TRIM37: variants seen among roughly 807,000 people sequenced by gnomAD.
TRIM37 encodes E3 ubiquitin-protein ligase TRIM37.
In TRIM37, 80 loss-of-function variants were observed where a neutral mutation model predicts 129.8. The observed-to-expected ratio is 0.62, with a 90% CI of 0.51 to 0.74. The LOEUF (loss-of-function observed/expected upper bound fraction) is 0.74. TRIM37 is among the 30% of genes least tolerant of loss of function. The pLI is 0.00. For missense variants in TRIM37, 1,054 were observed against 1,176.5 expected (o/e 0.90, Z 1.52); for synonymous variants, 389 against 387.1 (o/e 1.00, Z -0.06).
chr17:58,967,416 G>A, the TRIM37 span, among the ~76,000 whole-genome samples: 1 of 151,808 alleles, frequency 6.6e-6, no homozygotes, highest in Non-Finnish European at 1.5e-5. Context: ...ATCTTAGTGC[G>A]ATGAGGAAAT....
intron 17 of TRIM37, among the ~76,000 whole-genome samples, chr17:59,039,350 C>T (rs1198002310): frequency 6.9e-6 from 1 of 144,510 alleles, no homozygotes; most frequent in Non-Finnish European, 1.5e-5. Context: ...GATGGCCAGT[C>T]TTTTTTTTTT....
intron 9 of TRIM37, among the ~76,000 whole-genome samples, chr17:59,066,307 A>G (rs2041916629): frequency 6.6e-6 from 1 of 152,210 alleles, no homozygotes; most frequent in Non-Finnish European, 1.5e-5. Flanking sequence ...CTCATCAAGT[A>G]CAGAATATCC....
At chr17:59,033,667 G>A (rs1726107840) in intron 17 of TRIM37, among the ~76,000 whole-genome samples, 1 of 152,044 alleles carries the variant, frequency 6.6e-6, no homozygotes. Context: ...GCCCGCCTCA[G>A]CCTCCCAAAG....
chr17:58,977,801 G>A (rs1238563462), downstream of TRIM37, among the ~76,000 whole-genome samples: 1 of 152,146 alleles, frequency 6.6e-6, no homozygotes, highest in African/African-American at 2.4e-5. Flanking sequence ...GGAGTGCAGT[G>A]GCGCAATCTG....
downstream of TRIM37, among the ~76,000 whole-genome samples, chr17:58,993,211 A>C (rs555083078): frequency 1.5e-4 from 23 of 152,302 alleles, 1 homozygote; most frequent in Non-Finnish European, 5.9e-5. Flanking sequence ...AGGCCTCCCC[A>C]GCCACGTGGA....
chr17:59,012,383 T>G lies in TRIM37; in HGVS notation c.2640A>C (p.Glu880Asp), dbSNP rs754978571. 6.2e-7 allele frequency: 1 copy of G among 1,613,154 alleles called. No homozygotes were observed. Among genetic ancestry groups the G allele is most frequent in the South Asian group, 1.1e-5 (1 of 91,070 alleles). The change falls in exon 22 of 24, where the codon GAA becomes GAC. Residue 880 changes from glutamate (E) to aspartate (D), a missense_variant. Glu to Asp is a conservative substitution (Grantham distance 45). Coordinates refer to ENST00000262294, the MANE Select transcript of TRIM37 (RefSeq NM_015294.6). ...GTAGTACAGGCTGTAACTCTCCAGT[T>G]TCAGAATTATTTTCCAAATCAGTCA... ...LQMTDLENNS[E>D]TGELQPVLPE...
chr17:58,987,502 TAGAA>T (rs1347109597), intron 24 of TRIM37, among the ~76,000 whole-genome samples: 3 of 152,190 alleles, frequency 2.0e-5, no homozygotes, highest in Admixed American at 1.3e-4. Flanking sequence ...AAAAGGATTT[TAGAA>T]AGAGAGCAGC....
chr17:59,094,808 A>G (rs747183776), intron 2 of TRIM37, among the ~76,000 whole-genome samples: 1 of 152,226 alleles, frequency 6.6e-6, no homozygotes, highest in Admixed American at 6.5e-5. Context: ...TAGAGACGAT[A>G]TATTTCAGAT....
chr17:59,006,877 A>G (rs1247353880), intron 22 of TRIM37, among the ~76,000 whole-genome samples: 1 of 151,980 alleles, frequency 6.6e-6, no homozygotes, highest in Non-Finnish European at 1.5e-5. Flanking sequence ...CGACAGAGCA[A>G]CACTCTGTCT....
At chr17:59,093,270 T>A (rs1326771258) in intron 2 of TRIM37, among the ~76,000 whole-genome samples, 1 of 152,142 alleles carries the variant, frequency 6.6e-6, no homozygotes, top group African/African-American at 2.4e-5. Flanking sequence ...TCAGGTTTCT[T>A]CCCCTGAAAC....
intron 6 of TRIM37, among the ~76,000 whole-genome samples, chr17:59,080,404 T>C (rs2043156391): frequency 6.6e-6 from 1 of 152,204 alleles, no homozygotes; most frequent in East Asian, 1.9e-4. Flanking sequence ...AAATAGTTCA[T>C]TGCTTAGTAA....
In TRIM37 at chr17:59,037,557, CAAAAAAAAAAAAAAAA is replaced by C. The variant is rs58856834; in HGVS notation, c.1753+4240_1753+4255del. On this transcript the variant is annotated intron_variant, in intron 17 of 23. Coordinates refer to ENST00000262294, the MANE Select transcript of TRIM37 (RefSeq NM_015294.6). ...CGGGCAACAGAGCAAGACTCTGTCT[CAAAAAAAAAAAAAAAA>C]AAAAAAAAAAAAAAAAGGCTTTTTT... 3.6e-4 allele frequency among the ~76,000 whole-genome samples: 27 copies of C among 74,038 alleles called. 1 individual carries two copies. In the East Asian group the frequency reaches 5.3e-3, roughly 15 times the overall value. 48.6% of individuals were successfully genotyped at this position (74,038 alleles called of 152,430 possible).
chr17:59,030,895 G>C (rs963669827), intron 18 of TRIM37, among the ~76,000 whole-genome samples: 3 of 152,170 alleles, frequency 2.0e-5, no homozygotes, highest in Non-Finnish European at 4.4e-5. Context: ...ATCAGAACCT[G>C]TCTGTTTCAC....
downstream of TRIM37, among the ~76,000 whole-genome samples, chr17:58,978,392 G>T (rs114086112): frequency 1.3e-5 from 2 of 151,928 alleles, no homozygotes; most frequent in East Asian, 3.9e-4. Context: ...CCTGTGTGTG[G>T]TTTTGTTTTT....
At chr17:58,967,499 T>A in the TRIM37 span, among the ~76,000 whole-genome samples, 1 of 150,450 alleles carries the variant, frequency 6.6e-6, no homozygotes, top group African/African-American at 2.5e-5. Flanking sequence ...CATTTATATA[T>A]ATGTGTATAT....
the TRIM37 span, among the ~76,000 whole-genome samples, chr17:58,973,930 C>T: frequency 9.6e-5 from 11 of 115,116 alleles, no homozygotes; most frequent in African/African-American, 3.1e-4. Flanking sequence ...CCAGGCTGGG[C>T]GACAGAGCGA....
chr17:59,051,493 C>G (rs569373672), intron 13 of TRIM37, among the ~76,000 whole-genome samples, 165 bp from the exon 14 acceptor site: 7 of 152,278 alleles, frequency 4.6e-5, no homozygotes, highest in Admixed American at 2.0e-4. Context: ...CAGATTATGA[C>G]ACAAGGTTCT....
rs1308556397 is a variant in TRIM37, at chr17:59,091,521, AATG to A, written c.124-184_124-182del. ...ATTATATAACATATCATATATATAT[AATG>A]TATAATGTATAATAATGTATAATAT... On this transcript the variant is annotated intron_variant, in intron 2 of 23. Transcript: ENST00000262294. 9.7e-3 allele frequency among the ~76,000 whole-genome samples: 1,214 copies of A among 124,890 alleles called. 9 individuals are homozygous for A. Among genetic ancestry groups the A allele is most frequent in the Middle Eastern group, 0.034 (9 of 268 alleles). 81.9% of individuals were successfully genotyped at this position (124,890 alleles called of 152,430 possible).
chr17:58,991,793 G>C (rs1351027151), intron 24 of TRIM37, among the ~76,000 whole-genome samples: 2 of 152,132 alleles, frequency 1.3e-5, no homozygotes, highest in African/African-American at 4.8e-5. Context: ...GATGCCACTG[G>C]AACTCTCATG....
Sources: gnomAD v4.1 joint callset for allele counts (sites outside exome capture counted in the v4.1 genomes callset) on GRCh38, gnomAD v4.1.1 for gene constraint, MANE v1.5 for transcripts, NCBI Gene and HGNC (gene_info 2026-07-23, HGNC 2026-07-21) for gene names.